NTRK3: variants seen among roughly 807,000 people sequenced by gnomAD.
The protein encoded by NTRK3 is NT-3 growth factor receptor.
In NTRK3, 24 loss-of-function variants were observed where a neutral mutation model predicts 91.7. That is an observed-to-expected ratio of 0.26 (90% confidence interval 0.19 to 0.37). The LOEUF is 0.37. NTRK3 is among the 10% of genes least tolerant of loss of function. NTRK3 has a pLI of 1.00. For missense variants in NTRK3, 880 were observed against 1,068.9 expected, an observed-to-expected ratio of 0.82 and a Z score of 2.46; for synonymous variants, 483 against 404.0, an observed-to-expected ratio of 1.20 and a Z score of -2.34.
intron 10 of NTRK3, among the ~76,000 whole-genome samples, chr15:88,133,252 G>C (rs1302580517): frequency 3.9e-5 from 6 of 152,284 alleles, no homozygotes; most frequent in African/African-American, 1.4e-4. Flanking sequence ...CGTGGGGGCA[G>C]AGGAGGTATC....
intron 5 of NTRK3, among the ~76,000 whole-genome samples, chr15:88,167,647 G>A (rs1174172051): frequency 1.3e-5 from 2 of 152,146 alleles, no homozygotes; most frequent in African/African-American, 4.8e-5. Context: ...CTGGTCATTA[G>A]TCGTGAGGGG....
intron 14 of NTRK3, among the ~76,000 whole-genome samples, chr15:87,970,485 T>C (rs1018533444): frequency 6.6e-6 from 1 of 152,230 alleles, no homozygotes; most frequent in African/African-American, 2.4e-5. Flanking sequence ...TTGATTCTTC[T>C]TTAAAAGCTT....
chr15:88,068,971 G>C (rs898706), intron 13 of NTRK3, among the ~76,000 whole-genome samples: 4,798 of 152,248 alleles, frequency 0.032, 112 homozygotes, highest in Middle Eastern at 0.088. Flanking sequence ...AGGTACGTCT[G>C]GATTGAAGAG....
chr15:88,135,354 C>T (rs374004837), exon 10 of NTRK3: 27 of 1,614,070 alleles, frequency 1.7e-5, no homozygotes, highest in Admixed American at 5.0e-5. Context: ...TGCAGTGCTC[C>T]AGGCGCAGCT....
exon 19 of NTRK3, chr15:87,869,431 G>A (rs1330115652): frequency 4.5e-6 from 1 of 224,280 alleles, no homozygotes. Flanking sequence ...AATTACTCCA[G>A]GGCAGGGCTT....
chr15:88,202,376 C>G (rs1419020396), intron 3 of NTRK3, among the ~76,000 whole-genome samples: 3 of 152,216 alleles, frequency 2.0e-5, no homozygotes, highest in African/African-American at 7.2e-5. Flanking sequence ...CAGGGCTCCT[C>G]TCCCAGCCAG....
At chr15:88,046,461 C>T (rs2080206463) in intron 13 of NTRK3, among the ~76,000 whole-genome samples, 1 of 152,156 alleles carries the variant, frequency 6.6e-6, no homozygotes, top group Non-Finnish European at 1.5e-5. Flanking sequence ...AGGAAGAGCA[C>T]CATGTTACAG....
intron 5 of NTRK3, among the ~76,000 whole-genome samples, chr15:88,167,365 G>A (rs1200662113): frequency 6.6e-6 from 1 of 152,134 alleles, no homozygotes. Context: ...CCTCCCAGGT[G>A]TTGGCAGCAG....
At chr15:87,865,715 G>A (rs934143916) in exon 19 of NTRK3, 1 of 223,536 alleles carries the variant, frequency 4.5e-6, no homozygotes, top group Non-Finnish European at 8.9e-6. Context: ...TGATGGCAAG[G>A]AATTAAATGC....
chr15:88,221,982 C>T (rs373822761), intron 3 of NTRK3, among the ~76,000 whole-genome samples: 68 of 152,358 alleles, frequency 4.5e-4, no homozygotes, highest in African/African-American at 1.6e-3. Context: ...TTACATGCAA[C>T]TGGAATCTCT....
intron 17 of NTRK3, among the ~76,000 whole-genome samples, chr15:87,916,938 A>G (rs1275895711): frequency 1.3e-5 from 2 of 151,928 alleles, no homozygotes; most frequent in Non-Finnish European, 2.9e-5. Context: ...AATTTTTCAT[A>G]TTTTCAGTAG....
chr15:88,242,068 G>A (rs1349705589), intron 3 of NTRK3, among the ~76,000 whole-genome samples: 4 of 152,130 alleles, frequency 2.6e-5, no homozygotes, highest in African/African-American at 4.8e-5. Flanking sequence ...ATGAACGGTT[G>A]CCTGGGAAGA....
chr15:88,247,616 G>C (rs2052962990), intron 3 of NTRK3, among the ~76,000 whole-genome samples: 1 of 152,166 alleles, frequency 6.6e-6, no homozygotes, highest in Admixed American at 6.5e-5. Context: ...ACCCTACGGG[G>C]GTGCCGGGCT....
intron 5 of NTRK3, 71 bp downstream of exon 5, chr15:88,183,347 A>G (rs1373165458): frequency 6.6e-7 from 1 of 1,515,468 alleles, no homozygotes; most frequent in Non-Finnish European, 9.2e-7. Context: ...TCTAGACCTC[A>G]GGTCTCCGGT....
intron 3 of NTRK3, among the ~76,000 whole-genome samples, chr15:88,205,339 A>C (rs1292153281): frequency 6.6e-6 from 1 of 152,164 alleles, no homozygotes; most frequent in Admixed American, 6.5e-5. Context: ...AGACTGGCCT[A>C]CGTGGGCCTC....
At chr15:88,024,256 T>C (rs1165888479) in intron 14 of NTRK3, among the ~76,000 whole-genome samples, 1 of 152,224 alleles carries the variant, frequency 6.6e-6, no homozygotes, top group Non-Finnish European at 1.5e-5. Flanking sequence ...TGGTTATCTG[T>C]GCAGATGTTC....
intron 3 of NTRK3, among the ~76,000 whole-genome samples, chr15:88,211,717 G>C (rs934981700): frequency 6.6e-6 from 1 of 152,308 alleles, no homozygotes; most frequent in East Asian, 1.9e-4. Flanking sequence ...AAGGTGAAAA[G>C]GGAAACAAAT....
At chr15:88,203,711 A>G (rs2048490080) in intron 3 of NTRK3, among the ~76,000 whole-genome samples, 1 of 152,220 alleles carries the variant, frequency 6.6e-6, no homozygotes, top group South Asian at 2.1e-4. Context: ...TTCCTAGAAT[A>G]AAGAAAAGAT....
intron 13 of NTRK3, among the ~76,000 whole-genome samples, chr15:88,062,034 A>T (rs2046267389): frequency 6.6e-5 from 10 of 152,262 alleles, no homozygotes; most frequent in Admixed American, 6.5e-4. Flanking sequence ...CAAATTTTTT[A>T]AAAATACAAG....
Sources: gnomAD v4.1 joint callset for allele counts (sites outside exome capture counted in the v4.1 genomes callset) on GRCh38, gnomAD v4.1.1 for gene constraint, MANE v1.5 for transcripts, NCBI Gene and HGNC (gene_info 2026-07-23, HGNC 2026-07-21) for gene names.